RBM15B: variants seen among roughly 807,000 people sequenced by gnomAD.
RBM15B encodes the protein RNA binding motif protein 15B.
A neutral mutation model predicts 53.3 loss-of-function variants in RBM15B; 11 were observed. The ratio of observed to expected loss-of-function variants is 0.21; its 90% CI spans 0.13 to 0.34. The LOEUF is 0.34. Among genes scored for constraint, RBM15B ranks in the 10% least tolerant of loss-of-function variants. The pLI is 1.00. For missense variants in RBM15B, 1,136 were observed against 1,250.3 expected (o/e 0.91, Z 1.38); for synonymous variants, 631 against 540.7 (o/e 1.17, Z -2.32).
chr3:51,395,640 C>G lies in RBM15B; in HGVS notation c.*1568C>G. 2.4e-6 allele frequency: 1 copy of G among 410,426 alleles called. No individual in the cohort carries two copies. Among genetic ancestry groups the G allele is most frequent in the Non-Finnish European group, 4.4e-6 (1 of 224,778 alleles). The allele number at this position is 410,426 out of a possible 1,614,324, so 25.4% of individuals were successfully genotyped here. A position where few individuals can be genotyped will look rare whatever the true frequency, so the allele number is the denominator to read the frequency against. ...AGATGATAACCAGGAACTCCAGGTTCTGCTGGCCGTGGCATCCTCTCTCCA... is the reference window on the plus strand; with the variant it reads ...AGATGATAACCAGGAACTCCAGGTTGTGCTGGCCGTGGCATCCTCTCTCCA... On this transcript the variant is annotated 3_prime_UTR_variant, in exon 1 of 1. Transcript: ENST00000563281.
Position 51,393,596 on chromosome 3 carries a change from T to G in RBM15B, c.2197T>G (p.Phe733Val). The change falls in exon 1 of 1, where the codon TTC becomes GTC. Residue 733 changes from phenylalanine (F) to valine (V), a missense_variant. By Grantham distance (50) the Phe-to-Val change is conservative. Around this residue, in one of 7 missense-constraint regions of RBM15B, gnomAD observed 578 missense variants for 581.6 expected, o/e 0.99. Coordinates refer to ENST00000563281, the MANE Select transcript of RBM15B (RefSeq NM_013286.5). This position sits in a 1 kb window ranked among gnomAD's most constrained non-coding sequence, Gnocchi z 5.6. ...GCTTCTGGTGTTGAAAAACAGCTGC[T>G]TCCCCACGTCTATGCATATCCTAGA... ...NGLLVLKNSC[F>V]PTSMHILEGD... 1.9e-6 allele frequency: 3 copies of G among 1,614,040 alleles called. No homozygotes were observed. The highest frequency in any genetic ancestry group is 2.2e-5 in the South Asian group (2 of 91,078).
In RBM15B at chr3:51,395,936, G is replaced by A. The variant is rs930777087; in HGVS notation, c.*1864G>A. On this transcript the variant is annotated 3_prime_UTR_variant, in exon 1 of 1. Transcript: ENST00000563281. Reference sequence around the variant, plus strand: ...ACTTGAGCTGTGGTCACAGCTGCCAGGTACCTAAGCAAGTCAGTTGGGTAC... The same window carrying A: ...ACTTGAGCTGTGGTCACAGCTGCCAAGTACCTAAGCAAGTCAGTTGGGTAC... The A allele has an allele frequency of 2.4e-6, 1 of 413,382 alleles. No homozygotes were observed. The highest frequency in any genetic ancestry group is 1.3e-4 in the South Asian group (1 of 7,862). 25.6% of individuals were successfully genotyped at this position (413,382 alleles called of 1,614,324 possible).
chr3:51,391,553 C>T lies in RBM15B; in HGVS notation c.154C>T (p.Arg52Trp). The T allele has an allele frequency of 8.5e-7, 1 of 1,173,188 alleles. No individual in the cohort carries two copies. Among genetic ancestry groups the T allele is most frequent in the Non-Finnish European group, 1.1e-6 (1 of 950,894 alleles). The allele number at this position is 1,173,188 out of a possible 1,614,324, so 72.7% of individuals were successfully genotyped here. A position where few individuals can be genotyped will look rare whatever the true frequency, so the allele number is the denominator to read the frequency against. The change falls in exon 1 of 1, where the codon CGG becomes TGG. Residue 52 changes from arginine to tryptophan, a missense_variant. By Grantham distance (101) the Arg-to-Trp change is moderately radical (BLOSUM62 -3). Coordinates refer to ENST00000563281, the MANE Select transcript of RBM15B (RefSeq NM_013286.5). The surrounding 1 kb of genome is among the most constrained non-coding windows in gnomAD (Gnocchi z 4.5). ...CGGCGCCAAGCACCCGGTTCCAGCG[C>T]GGGCCCGCGACAAACCCCGCGGCAG... ...SGGAKHPVPA[R>W]ARDKPRGSGS...
Position 51,391,726 on chromosome 3 carries a change from G to A in RBM15B, c.327G>A (p.Ser109=). The A allele has an allele frequency of 6.9e-7, 1 of 1,456,788 alleles. No individual in the cohort carries two copies. 90.2% of individuals were successfully genotyped at this position (1,456,788 alleles called of 1,614,324 possible). The change falls in exon 1 of 1, where the codon TCG becomes TCA. Residue 109 remains serine, a synonymous_variant. Transcript: ENST00000563281. This position sits in a 1 kb window ranked among gnomAD's most constrained non-coding sequence, Gnocchi z 4.5. The stretch of plus-strand genomic sequence containing the variant: ...GGGACCCGGGCGCCTCCGGCATGTC[G>A]CCCCGCGCGTCTCCTCTGCCGCCGC... The part of the protein sequence containing the change: ...ASGDPGASGM[S]PRASPLPPPP...
At position 51,393,329 on chromosome 3, in the gene RBM15B, G is replaced by A. The variant is rs542147836; in HGVS notation, c.1930G>A (p.Gly644Arg). The A allele has an allele frequency of 6.2e-7, 1 of 1,610,962 alleles. No individual in the cohort carries two copies. The highest frequency in any genetic ancestry group is 1.1e-5 in the South Asian group (1 of 90,928). ...RSRKENHSSE[G>R]TKESSSNSLS... ...CCGCAAGGAGAACCACTCCAGTGAA[G>A]GGACCAAGGAGTCCAGCAGCAACTC... is the stretch of plus-strand genomic sequence containing the variant. The change falls in exon 1 of 1, where the codon GGG becomes AGG. Residue 644 changes from glycine (G) to arginine (R), a missense_variant. By Grantham distance (125) the Gly-to-Arg change is moderately radical (BLOSUM62 -2). This residue lies in a region of RBM15B where 578 missense variants were observed against 581.6 expected (regional missense o/e 0.99). Coordinates refer to ENST00000563281, the MANE Select transcript of RBM15B (RefSeq NM_013286.5). The surrounding 1 kb of genome is among the most constrained non-coding windows in gnomAD (Gnocchi z 5.6).
rs571227665 is a variant in RBM15B, at chr3:51,396,233, C to T, written c.*2161C>T. On this transcript the variant is annotated 3_prime_UTR_variant, in exon 1 of 1. Coordinates refer to ENST00000563281, the MANE Select transcript of RBM15B (RefSeq NM_013286.5). Reference sequence around the variant, plus strand: ...AAGTAAAAGGAAACATGCTAGAAAACGTGCCTAGAGAAGACACTTCAACCT... The same window carrying T: ...AAGTAAAAGGAAACATGCTAGAAAATGTGCCTAGAGAAGACACTTCAACCT... The T allele has an allele frequency of 2.3e-4, 67 of 288,106 alleles. No homozygotes were observed. In the Admixed American group the frequency reaches 3.5e-3, roughly 15 times the overall value. 17.8% of individuals were successfully genotyped at this position (288,106 alleles called of 1,614,324 possible). A position where few individuals can be genotyped will look rare whatever the true frequency, so the allele number is the denominator to read the frequency against.
Position 51,393,019 on chromosome 3 carries a change from C to G in RBM15B, c.1620C>G (p.Asp540Glu), listed in dbSNP as rs782210209. 2 of 1,613,878 alleles carry G rather than the reference C, an allele frequency of 1.2e-6. No individual in the cohort carries two copies. Among genetic ancestry groups the G allele is most frequent in the Admixed American group, 3.3e-5 (2 of 60,028 alleles). Residue 540 changes from aspartate (D) to glutamate (E), a missense_variant, in exon 1 of 1, where the codon GAC becomes GAG. Coordinates refer to ENST00000563281, the MANE Select transcript of RBM15B (RefSeq NM_013286.5). The surrounding 1 kb of genome is among the most constrained non-coding windows in gnomAD (Gnocchi z 5.6). ...CGCCCCCACACCTTCTGTACTCAGACCGAGACCGGACTTTTTTGGAAGGGG... is the reference window on the plus strand; with the variant it reads ...CGCCCCCACACCTTCTGTACTCAGAGCGAGACCGGACTTTTTTGGAAGGGG... Reference protein sequence around the residue: ...DRTPPHLLYSDRDRTFLEGDW... With the variant: ...DRTPPHLLYSERDRTFLEGDW...
In RBM15B at chr3:51,391,306, G is replaced by C. The variant is rs1327391473; in HGVS notation, c.-94G>C. ...CGCCGCGCCGAGTCCTTTTGTCCAA[G>C]ATGGCGGCGCCGGGGGCGCTGCCTC... is the stretch of plus-strand genomic sequence containing the variant. On this transcript the variant is annotated 5_prime_UTR_variant, in exon 1 of 1. Transcript: ENST00000563281. The surrounding 1 kb of genome is among the most constrained non-coding windows in gnomAD (Gnocchi z 4.5). 9.6e-7 allele frequency: 1 copy of C among 1,045,904 alleles called. No homozygotes were observed. The highest frequency in any genetic ancestry group is 1.2e-6 in the Non-Finnish European group (1 of 840,598). 64.8% of individuals were successfully genotyped at this position (1,045,904 alleles called of 1,614,324 possible). A position where few individuals can be genotyped will look rare whatever the true frequency, so the allele number is the denominator to read the frequency against.
In RBM15B at chr3:51,391,657, G is replaced by A. The variant is rs1553621537; in HGVS notation, c.258G>A (p.Ser86=). The A allele has an allele frequency of 8.3e-7, 1 of 1,201,694 alleles. No homozygotes were observed. The highest frequency in any genetic ancestry group is 1.0e-6 in the Non-Finnish European group (1 of 969,534). 74.4% of individuals were successfully genotyped at this position (1,201,694 alleles called of 1,614,324 possible). The change falls in exon 1 of 1, where the codon TCG becomes TCA. Residue 86 remains serine, a synonymous_variant. Coordinates refer to ENST00000563281, the MANE Select transcript of RBM15B (RefSeq NM_013286.5). This position sits in a 1 kb window ranked among gnomAD's most constrained non-coding sequence, Gnocchi z 4.5. ...ACCGCGCGAGTAGCGGGCGCTCCTC[G>A]GGCTCCGGCGCTGGCGGCGGGGGAC... The part of the protein sequence containing the change: ...ANHRASSGRS[S]GSGAGGGGRG...
In RBM15B at chr3:51,391,574, G is replaced by C. The variant is rs1577018719; in HGVS notation, c.175G>C (p.Gly59Arg). ...AGCGCGGGCCCGCGACAAACCCCGC[G>C]GCAGCGGAAGCGGCGGGGGCGGGCA... ...VPARARDKPRGSGSGGGGHRD... is the reference protein window; with the variant it reads ...VPARARDKPRRSGSGGGGHRD... Residue 59 changes from glycine (G) to arginine (R), a missense_variant, in exon 1 of 1, where the codon GGC becomes CGC. Coordinates refer to ENST00000563281, the MANE Select transcript of RBM15B (RefSeq NM_013286.5). The surrounding 1 kb of genome is among the most constrained non-coding windows in gnomAD (Gnocchi z 4.5). The C allele has an allele frequency of 3.4e-6, 4 of 1,180,074 alleles. No homozygotes were observed. Among genetic ancestry groups the C allele is most frequent in the African/African-American group, 3.2e-5 (2 of 62,116 alleles). The allele number at this position is 1,180,074 out of a possible 1,614,324, so 73.1% of individuals were successfully genotyped here.
At position 51,393,531 on chromosome 3, in the gene RBM15B, T is replaced by C; in HGVS notation, c.2132T>C (p.Leu711Pro). Reference sequence around the variant, plus strand: ...CACGAGACCAAAAAGCTGAAGAATCTTTCAGAGTACGCTCAGACACTACAG... The same window carrying C: ...CACGAGACCAAAAAGCTGAAGAATCCTTCAGAGTACGCTCAGACACTACAG... ...PKHETKKLKN[L>P]SEYAQTLQLG... is the part of the protein sequence containing the mutation. The change falls in exon 1 of 1, where the codon CTT (leucine) becomes CCT (proline). Residue 711 changes from leucine (L) to proline (P), a missense_variant. Around this residue, in one of 7 missense-constraint regions of RBM15B, gnomAD observed 578 missense variants for 581.6 expected, o/e 0.99. Transcript: ENST00000563281. This position sits in a 1 kb window ranked among gnomAD's most constrained non-coding sequence, Gnocchi z 5.6. 4.3e-6 allele frequency: 7 copies of C among 1,614,154 alleles called. No homozygotes were observed. The highest frequency in any genetic ancestry group is 5.9e-6 in the Non-Finnish European group (7 of 1,180,036).
chr3:51,392,160 C>G lies in RBM15B; in HGVS notation c.761C>G (p.Pro254Arg), dbSNP rs1553621679. Residue 254 changes from proline (P) to arginine (R), a missense_variant, in exon 1 of 1, where the codon CCG (proline) becomes CGG (arginine). Around this residue, in one of 7 missense-constraint regions of RBM15B, gnomAD observed 204 missense variants for 196.8 expected, o/e 1.04. Coordinates refer to ENST00000563281, the MANE Select transcript of RBM15B (RefSeq NM_013286.5). This position sits in a 1 kb window ranked among gnomAD's most constrained non-coding sequence, Gnocchi z 7.5. ...CCCGCCGACCCGCTCGGCTACCTCC[C>G]GCTACACGGAGGCTACCAGTACAAG... ...PAPADPLGYL[P>R]LHGGYQYKQR... 1 of 1,536,900 alleles carries G rather than the reference C, an allele frequency of 6.5e-7. No homozygotes were observed. Among genetic ancestry groups the G allele is most frequent in the Non-Finnish European group, 8.7e-7 (1 of 1,146,496 alleles).
Position 51,394,087 on chromosome 3 carries a change from T to C in RBM15B, c.*15T>C. ...ACACTGCCTAGCCCAAGCCTGTCTT[T>C]CCCAGCGTCATGTTTGTGTCACAAA... On this transcript the variant is annotated 3_prime_UTR_variant, in exon 1 of 1. Coordinates refer to ENST00000563281, the MANE Select transcript of RBM15B (RefSeq NM_013286.5). The C allele has an allele frequency of 1.4e-6, 2 of 1,406,544 alleles. No individual in the cohort carries two copies. Among genetic ancestry groups the C allele is most frequent in the Non-Finnish European group, 1.9e-6 (2 of 1,075,646 alleles). 87.1% of individuals were successfully genotyped at this position (1,406,544 alleles called of 1,614,324 possible).
In RBM15B at chr3:51,393,410, G is replaced by A. The variant is rs781955652; in HGVS notation, c.2011G>A (p.Glu671Lys). The A allele has an allele frequency of 2.4e-5, 38 of 1,613,654 alleles. No homozygotes were observed. The highest frequency in any genetic ancestry group is 3.0e-5 in the Non-Finnish European group (35 of 1,179,922). Residue 671 changes from glutamate to lysine, a missense_variant, in exon 1 of 1, where the codon GAG (glutamate) becomes AAG (lysine). Glu to Lys is a moderately conservative substitution (Grantham distance 56). This residue lies in a region of RBM15B where 578 missense variants were observed against 581.6 expected (regional missense o/e 0.99). Transcript: ENST00000563281. This position sits in a 1 kb window ranked among gnomAD's most constrained non-coding sequence, Gnocchi z 5.6. ...EERGHHHHHH[E>K]AADSSHGKKA... ...ACGGGGCCACCACCACCACCACCACGAGGCTGCAGACTCTTCCCACGGGAA... is the reference window on the plus strand; with the variant it reads ...ACGGGGCCACCACCACCACCACCACAAGGCTGCAGACTCTTCCCACGGGAA...
rs1553621995 is a variant in RBM15B at position 51,393,546 on chromosome 3, A to G, written c.2147A>G (p.Gln716Arg). The change falls in exon 1 of 1, where the codon CAG becomes CGG. Residue 716 changes from glutamine (Q) to arginine (R), a missense_variant. Around this residue, in one of 7 missense-constraint regions of RBM15B, gnomAD observed 578 missense variants for 581.6 expected, o/e 0.99. Transcript: ENST00000563281. This position sits in a 1 kb window ranked among gnomAD's most constrained non-coding sequence, Gnocchi z 5.6. ...CTGAAGAATCTTTCAGAGTACGCTC[A>G]GACACTACAGCTGGGTTGGAATGGG... ...KKLKNLSEYA[Q>R]TLQLGWNGLL... 7.4e-6 allele frequency: 12 copies of G among 1,614,224 alleles called. No individual in the cohort carries two copies. Among genetic ancestry groups the G allele is most frequent in the Non-Finnish European group, 1.0e-5 (12 of 1,180,036 alleles).
chr3:51,391,471 G>A lies in RBM15B; in HGVS notation c.72G>A (p.Arg24=). The A allele has an allele frequency of 8.0e-7, 1 of 1,253,276 alleles. No homozygotes were observed. The allele number at this position is 1,253,276 out of a possible 1,614,324, so 77.6% of individuals were successfully genotyped here. The change falls in exon 1 of 1, where the codon CGG becomes CGA. Residue 24 remains arginine (R), a synonymous_variant. Coordinates refer to ENST00000563281, the MANE Select transcript of RBM15B (RefSeq NM_013286.5). The surrounding 1 kb of genome is among the most constrained non-coding windows in gnomAD (Gnocchi z 4.5). The stretch of plus-strand genomic sequence containing the variant: ...CGTCATCGTCCGCCAAGCGTCCGCG[G>A]GAGCGCGAACGGGAGGCGGAGGCGG... ...RGSSSSAKRP[R]EREREAEAGG...
At position 51,395,081 on chromosome 3, in the gene RBM15B, G is replaced by A. The variant is rs1244382982; in HGVS notation, c.*1009G>A. ...GGTCGTTCAGGGGTGATGGGTAATA[G>A]AGCAGGCCCGTGTCCAGTCATACCT... On this transcript the variant is annotated 3_prime_UTR_variant, in exon 1 of 1. Transcript: ENST00000563281. 1 of 167,188 alleles carries A rather than the reference G, an allele frequency of 6.0e-6. No homozygotes were observed. Among genetic ancestry groups the A allele is most frequent in the Non-Finnish European group, 1.5e-5 (1 of 68,226 alleles). The allele number at this position is 167,188 out of a possible 1,614,324, so 10.4% of individuals were successfully genotyped here. A position where few individuals can be genotyped will look rare whatever the true frequency, so the allele number is the denominator to read the frequency against.
chr3:51,394,036 A>ACAC lies in RBM15B; in HGVS notation c.2638_2640dup (p.His880dup). On this transcript the variant is annotated inframe_insertion, in exon 1 of 1. Transcript: ENST00000563281. Reference sequence around the variant, plus strand: ...GGACATTGGGCAAGCTAGAAGAAGAACACATGGTGATAGTCATCGTCAGAG... The same window carrying ACAC: ...GGACATTGGGCAAGCTAGAAGAAGAACACCACATGGTGATAGTCATCGTCAGAG... 1 of 1,480,698 alleles carries ACAC rather than the reference A, an allele frequency of 6.8e-7. No individual in the cohort carries two copies. Among genetic ancestry groups the ACAC allele is most frequent in the South Asian group, 1.5e-5 (1 of 67,948 alleles). 91.7% of individuals were successfully genotyped at this position (1,480,698 alleles called of 1,614,324 possible).
Position 51,396,036 on chromosome 3 carries a change from A to G in RBM15B, c.*1964A>G, listed in dbSNP as rs1390053036. ...GTGGGTCTTGTCCTGTTGCAGGCACACTGCAGTGGTTTTCCTGCAGCTCTC... is the reference window on the plus strand; with the variant it reads ...GTGGGTCTTGTCCTGTTGCAGGCACGCTGCAGTGGTTTTCCTGCAGCTCTC... On this transcript the variant is annotated 3_prime_UTR_variant, in exon 1 of 1. Coordinates refer to ENST00000563281, the MANE Select transcript of RBM15B (RefSeq NM_013286.5). 4.9e-6 allele frequency: 2 copies of G among 412,200 alleles called. No homozygotes were observed. Among genetic ancestry groups the G allele is most frequent in the Non-Finnish European group, 8.9e-6 (2 of 225,754 alleles). The allele number at this position is 412,200 out of a possible 1,614,324, so 25.5% of individuals were successfully genotyped here. A position where few individuals can be genotyped will look rare whatever the true frequency, so the allele number is the denominator to read the frequency against.
Sources: allele counts gnomAD v4.1 joint callset, GRCh38; gene constraint gnomAD v4.1.1; regional missense constraint gnomAD v4.1.1; non-coding constraint Gnocchi (gnomAD v3.1); transcripts MANE v1.5; gene names NCBI Gene and HGNC (gene_info 2026-07-23, HGNC 2026-07-21).